NRG3: variants seen among roughly 807,000 people sequenced by gnomAD.
NRG3 encodes the protein neuregulin 3.
A neutral mutation model predicts 66.9 loss-of-function variants in NRG3; 31 were observed. The observed-to-expected ratio is 0.46, with a 90% CI of 0.35 to 0.63. The LOEUF is 0.63. Among genes scored for constraint, NRG3 ranks in the 20% least tolerant of loss-of-function variants. The pLI, the probability that NRG3 is intolerant of heterozygous loss-of-function variation, is 0.00. For missense variants in NRG3, 910 were observed against 878.9 expected, an observed-to-expected ratio of 1.04 and a Z score of -0.45; for synonymous variants, 393 against 359.4, an observed-to-expected ratio of 1.09 and a Z score of -1.06.
At chr10:82,882,401 G>A (rs1194102545) in intron 4 of NRG3, among the ~76,000 whole-genome samples, 5 of 152,148 alleles carry the variant, frequency 3.3e-5, no homozygotes, top group African/African-American at 1.2e-4. Context: ...CATGAGTAGA[G>A]TTTTCTTGAC....
intron 3 of NRG3, among the ~76,000 whole-genome samples, chr10:82,818,758 G>A (rs2061824840): frequency 6.6e-6 from 1 of 152,096 alleles, no homozygotes; most frequent in Admixed American, 6.5e-5. Flanking sequence ...GGACTTTACA[G>A]CATCTTCCAC....
chr10:82,645,678 C>T (rs753995817), intron 2 of NRG3, among the ~76,000 whole-genome samples: 7 of 152,126 alleles, frequency 4.6e-5, no homozygotes, highest in Non-Finnish European at 8.8e-5. Flanking sequence ...TTCTTGAATA[C>T]TACTGCTTTT....
chr10:82,572,126 T>A (rs1311319961), intron 2 of NRG3, among the ~76,000 whole-genome samples: 1 of 151,808 alleles, frequency 6.6e-6, no homozygotes, highest in Non-Finnish European at 1.5e-5. Flanking sequence ...TTAAAAATTC[T>A]TCCTCCTTTT....
intron 2 of NRG3, among the ~76,000 whole-genome samples, chr10:82,574,680 G>C (rs1276667967): frequency 6.6e-6 from 1 of 151,590 alleles, no homozygotes; most frequent in Non-Finnish European, 1.5e-5. Context: ...AATTAAAAAA[G>C]AAAATGTGGT....
At chr10:82,365,588 T>C (rs748639753) in intron 2 of NRG3, among the ~76,000 whole-genome samples, 1 of 152,214 alleles carries the variant, frequency 6.6e-6, no homozygotes, top group Non-Finnish European at 1.5e-5. Context: ...ACACAATGAA[T>C]GTTATTTTGT....
intron 1 of NRG3, among the ~76,000 whole-genome samples, chr10:81,957,458 A>C (rs1448275994): frequency 6.6e-6 from 1 of 151,794 alleles, no homozygotes; most frequent in Non-Finnish European, 1.5e-5. Flanking sequence ...TCCCACCCCC[A>C]CACGAATTTA....
intron 1 of NRG3, among the ~76,000 whole-genome samples, chr10:82,249,399 G>T (rs1310121716): frequency 2.0e-5 from 3 of 152,126 alleles, no homozygotes; most frequent in Non-Finnish European, 4.4e-5. Flanking sequence ...TTGGTCACCA[G>T]GAATAGAGGG....
intron 1 of NRG3, among the ~76,000 whole-genome samples, chr10:82,298,469 C>T (rs186921215): frequency 1.8e-4 from 27 of 152,100 alleles, no homozygotes; most frequent in African/African-American, 6.5e-4. Flanking sequence ...ACACATTTAA[C>T]ATTTATAATT....
Position 82,122,575 on chromosome 10 carries a change from TG to T in NRG3, c.824-236163del, listed in dbSNP as rs2068161283. ...CCTGCCTCAGATCCTCAGGTGACAT[TG>T]CACAAGGGCAGCTGCAGCCAATGCC... On this transcript the variant is annotated intron_variant, in intron 1 of 8. Coordinates refer to ENST00000372141, the MANE Select transcript of NRG3 (RefSeq NM_001010848.4). Among the ~76,000 whole-genome samples, 4 of 152,284 alleles carry T rather than the reference TG, an allele frequency of 2.6e-5. No individual in the cohort carries two copies. In the South Asian group the frequency reaches 8.3e-4, roughly 32 times the overall value.
chr10:82,045,957 T>C (rs1463598808), intron 1 of NRG3, among the ~76,000 whole-genome samples: 1 of 151,406 alleles, frequency 6.6e-6, no homozygotes, highest in Non-Finnish European at 1.5e-5. Flanking sequence ...ACCATGCTGT[T>C]TTGGTTACTG....
At chr10:82,477,088 T>A (rs1173864966) in intron 2 of NRG3, among the ~76,000 whole-genome samples, 1 of 152,102 alleles carries the variant, frequency 6.6e-6, no homozygotes, top group Non-Finnish European at 1.5e-5. Context: ...CAGAAGCTGA[T>A]GTTCAAAAAG....
chr10:82,644,017 A>G (rs1368383097), intron 2 of NRG3, among the ~76,000 whole-genome samples: 1 of 152,092 alleles, frequency 6.6e-6, no homozygotes, highest in African/African-American at 2.4e-5. Flanking sequence ...GGGTTAATTG[A>G]GTTATAGCAG....
At chr10:81,982,055 G>T (rs1324476042) in intron 1 of NRG3, among the ~76,000 whole-genome samples, 1 of 151,858 alleles carries the variant, frequency 6.6e-6, no homozygotes, top group East Asian at 1.9e-4. Flanking sequence ...AAATATTCAA[G>T]TTCTGGTTGC....
At chr10:82,491,175 T>G (rs1486782627) in intron 2 of NRG3, among the ~76,000 whole-genome samples, 1 of 151,468 alleles carries the variant, frequency 6.6e-6, no homozygotes, top group African/African-American at 2.4e-5. Context: ...ACCTCATCCT[T>G]TTCAAGTCTT....
chr10:82,240,647 T>C (rs2076967510), intron 1 of NRG3, among the ~76,000 whole-genome samples: 1 of 152,158 alleles, frequency 6.6e-6, no homozygotes, highest in Non-Finnish European at 1.5e-5. Context: ...CTTAGTTGAT[T>C]ATGTAGTTCA....
At chr10:82,354,880 C>G (rs1215197200) in intron 1 of NRG3, among the ~76,000 whole-genome samples, 1 of 152,108 alleles carries the variant, frequency 6.6e-6, no homozygotes, top group East Asian at 1.9e-4. Flanking sequence ...AGGGCCCACT[C>G]TGAAATAAGG....
At chr10:82,536,784 C>T (rs1181254130) in intron 2 of NRG3, among the ~76,000 whole-genome samples, 1 of 152,026 alleles carries the variant, frequency 6.6e-6, no homozygotes, top group Non-Finnish European at 1.5e-5. Flanking sequence ...CAGAGGATGA[C>T]ATCAAGGTAA....
intron 3 of NRG3, among the ~76,000 whole-genome samples, chr10:82,767,032 T>A (rs986881951): frequency 3.3e-5 from 5 of 149,664 alleles, no homozygotes; most frequent in African/African-American, 1.2e-4. Flanking sequence ...CTTATATATA[T>A]ATATAAGGAT....
At chr10:82,711,250 T>TTTTTTA (rs1050481550) in intron 2 of NRG3, among the ~76,000 whole-genome samples, 1 of 152,042 alleles carries the variant, frequency 6.6e-6, no homozygotes, top group Admixed American at 6.6e-5. Flanking sequence ...GGCTATTTTA[T>TTTTTTA]TTTTTATTTT....
Sources: allele counts gnomAD v4.1 joint callset (sites outside exome capture counted in the v4.1 genomes callset), GRCh38; gene constraint gnomAD v4.1.1; transcripts MANE v1.5; gene names NCBI Gene and HGNC (gene_info 2026-07-23, HGNC 2026-07-21).